The following TYW1B variants were observed in gnomAD, a reference collection of about 807,000 sequenced individuals.
The protein encoded by TYW1B is S-adenosyl-L-methionine-dependent tRNA 4-demethylwyosine synthase TYW1B.
TYW1B carries 73 observed loss-of-function variants against 86.9 expected under a neutral mutation model. The observed-to-expected ratio is 0.84, with a 90% CI of 0.70 to 1.02. The LOEUF is 1.02. Ranked by LOEUF, TYW1B falls within the 50% of genes least tolerant of loss-of-function variation. TYW1B has a pLI of 0.00. For missense variants in TYW1B, 637 were observed against 827.4 expected (o/e 0.77, Z 2.82); for synonymous variants, 248 against 292.8 (o/e 0.85, Z 1.56).
At chr7:72,708,361 T>A in intron 10 of TYW1B, among the ~76,000 whole-genome samples, 1 of 152,110 alleles carries the variant, frequency 6.6e-6, no homozygotes, top group East Asian at 1.9e-4. Context: ...CAAGAGAACA[T>A]TATTACTTCC....
intron 13 of TYW1B, among the ~76,000 whole-genome samples, chr7:72,597,588 C>T (rs1345845656): frequency 3.3e-5 from 5 of 151,692 alleles, no homozygotes; most frequent in African/African-American, 7.3e-5. Flanking sequence ...TGAACGCACC[C>T]GATCTCGGCT....
At chr7:72,738,230 G>A (rs1478246299) in intron 8 of TYW1B, among the ~76,000 whole-genome samples, 2 of 151,850 alleles carry the variant, frequency 1.3e-5, no homozygotes, top group African/African-American at 4.8e-5. Context: ...ACAGGCGCCT[G>A]CCACTAAGCC....
intron 7 of TYW1B, among the ~76,000 whole-genome samples, chr7:72,755,455 C>T (rs1554465838): frequency 1.3e-5 from 2 of 152,150 alleles, no homozygotes; most frequent in Non-Finnish European, 1.5e-5. Context: ...GTGGGCAGAT[C>T]ATGAGAGTCC....
intron 11 of TYW1B, among the ~76,000 whole-genome samples, chr7:72,647,198 A>G (rs1230650877): frequency 1.3e-5 from 2 of 152,198 alleles, no homozygotes; most frequent in Admixed American, 1.3e-4. Flanking sequence ...AAACAGCAAT[A>G]TTCAGTGCTG....
chr7:72,728,777 C>G, intron 9 of TYW1B, 45 bp downstream of exon 9: 1 of 1,565,818 alleles, frequency 6.4e-7, no homozygotes, highest in South Asian at 1.2e-5. Context: ...CTGATTCAGA[C>G]TATTAACAAG....
At position 72,616,824 on chromosome 7, in the gene TYW1B, T is replaced by A. The variant is rs201876441; in HGVS notation, c.1633A>T (p.Arg545Ter). 1 of 1,558,700 alleles carries A rather than the reference T, an allele frequency of 6.4e-7. No individual in the cohort carries two copies. The highest frequency in any genetic ancestry group is 8.7e-7 in the Non-Finnish European group (1 of 1,149,938). ...FIEVKGVTYC[R>*]ESSASSLTMA... Reference sequence around the variant, plus strand: ...GTAAGACTGCTTGCTGAACTTTCTCTGCAGTAGGTAACGCCCTGTGGAAAC... The same window carrying A: ...GTAAGACTGCTTGCTGAACTTTCTCAGCAGTAGGTAACGCCCTGTGGAAAC... Residue 545 changes from arginine to a stop codon, truncating the protein, a stop_gained, in exon 13 of 14, where the codon AGA becomes TGA. Coordinates refer to ENST00000620995, the MANE Select transcript of TYW1B (RefSeq NM_001145440.3). LOFTEE classifies it high-confidence loss of function.
At position 72,583,390 on chromosome 7, in the gene TYW1B, G is replaced by A. The variant is rs146149064; in HGVS notation, c.1786-7671C>T. On this transcript the variant is annotated intron_variant, in intron 13 of 13. Transcript: ENST00000620995. ...ATTAGCAAAATGGCGGGTTGGGGGT[G>A]CAGGGGCGAGCAGCAATATAAGTAT... is the stretch of plus-strand genomic sequence containing the variant. Among the ~76,000 whole-genome samples, 1,023 of 152,222 alleles carry A rather than the reference G, an allele frequency of 6.7e-3. 8 individuals carry two copies. Among genetic ancestry groups the A allele is most frequent in the African/African-American group, 0.023 (945 of 41,536 alleles).
At chr7:72,759,086 C>G (rs997443879) in intron 7 of TYW1B, among the ~76,000 whole-genome samples, 1 of 152,108 alleles carries the variant, frequency 6.6e-6, no homozygotes, top group African/African-American at 2.4e-5. Context: ...ATCCCAGCAC[C>G]GTGCGAGGCC....
At chr7:72,822,162 C>CAA (rs782637112) in intron 2 of TYW1B, among the ~76,000 whole-genome samples, 169 of 35,690 alleles carry the variant, frequency 4.7e-3, no homozygotes, top group Non-Finnish European at 5.4e-3. Context: ...GACCCTGTCT[C>CAA]AAAAAAAAAA....
At chr7:72,695,141 A>G (rs2129570289) in intron 10 of TYW1B, among the ~76,000 whole-genome samples, 1 of 152,350 alleles carries the variant, frequency 6.6e-6, no homozygotes, top group South Asian at 2.1e-4. Flanking sequence ...GCATCAGCCC[A>G]GCACAATTAG....
intron 12 of TYW1B, among the ~76,000 whole-genome samples, chr7:72,627,933 G>C (rs1812388144): frequency 6.6e-6 from 1 of 152,194 alleles, no homozygotes; most frequent in South Asian, 2.1e-4. Context: ...CATGGAAGAC[G>C]AAATTAAAAT....
intron 11 of TYW1B, among the ~76,000 whole-genome samples, chr7:72,691,305 G>A (rs1227209357): frequency 6.6e-6 from 1 of 152,190 alleles, no homozygotes; most frequent in Non-Finnish European, 1.5e-5. Context: ...AACTCTAATT[G>A]CTACAAAATG....
intron 11 of TYW1B, among the ~76,000 whole-genome samples, chr7:72,633,467 C>T (rs1421911619): frequency 3.3e-5 from 5 of 152,248 alleles, no homozygotes; most frequent in Non-Finnish European, 5.9e-5. Flanking sequence ...TCTTCTGAAA[C>T]TGTGAGATGA....
At chr7:72,775,922 TTGAG>T in intron 7 of TYW1B, among the ~76,000 whole-genome samples, 1 of 152,242 alleles carries the variant, frequency 6.6e-6, no homozygotes, top group Middle Eastern at 3.4e-3. Flanking sequence ...GATGTTTTGA[TTGAG>T]TTAGATATAA....
intron 12 of TYW1B, among the ~76,000 whole-genome samples, chr7:72,618,456 AT>A (rs1282562316): frequency 6.6e-6 from 1 of 152,002 alleles, no homozygotes; most frequent in Non-Finnish European, 1.5e-5. Flanking sequence ...ACCTCAAATG[AT>A]CTGCCCATCT....
At chr7:72,748,695 CTGAT>C (rs1554464331) in intron 7 of TYW1B, among the ~76,000 whole-genome samples, 2 of 151,584 alleles carry the variant, frequency 1.3e-5, no homozygotes, top group Non-Finnish European at 2.9e-5. Flanking sequence ...ATATGACTGA[CTGAT>C]TTTTTTCTTC....
At chr7:72,686,688 A>C (rs1207068263) in intron 11 of TYW1B, among the ~76,000 whole-genome samples, 1 of 152,172 alleles carries the variant, frequency 6.6e-6, no homozygotes, top group Non-Finnish European at 1.5e-5. Context: ...AATGAACCCT[A>C]ATGTAAAATA....
chr7:72,685,388 T>C (rs1220724396), intron 11 of TYW1B, among the ~76,000 whole-genome samples: 4 of 152,036 alleles, frequency 2.6e-5, no homozygotes, highest in African/African-American at 9.7e-5. Flanking sequence ...TAGAAAACAT[T>C]AACAAATACA....
chr7:72,757,455 T>C (rs1282526918), intron 7 of TYW1B, among the ~76,000 whole-genome samples: 3 of 150,676 alleles, frequency 2.0e-5, no homozygotes, highest in African/African-American at 4.9e-5. Context: ...GGAGAACTTA[T>C]ACTACATAAT....
Sources: allele counts gnomAD v4.1 joint callset (sites outside exome capture counted in the v4.1 genomes callset), GRCh38; gene constraint gnomAD v4.1.1; transcripts MANE v1.5; gene names NCBI Gene and HGNC (gene_info 2026-07-23, HGNC 2026-07-21).